Variants in PTPRR observed in about 807,000 individuals in gnomAD.
The protein encoded by PTPRR is receptor-type tyrosine-protein phosphatase R.
PTPRR carries 38 observed loss-of-function variants against 77.2 expected under a neutral mutation model. The observed-to-expected ratio is 0.49, with a 90% CI of 0.38 to 0.65. The LOEUF (loss-of-function observed/expected upper bound fraction) is 0.65. Among genes scored for constraint, PTPRR ranks in the 30% least tolerant of loss-of-function variants. PTPRR has a pLI of 0.00. For missense variants in PTPRR, 744 were observed against 799.2 expected (o/e 0.93, Z 0.83); for synonymous variants, 299 against 283.1 (o/e 1.06, Z -0.57).
chr12:70,703,037 T>C (rs1015648449), intron 6 of PTPRR, among the ~76,000 whole-genome samples: 2 of 143,992 alleles, frequency 1.4e-5, no homozygotes, highest in African/African-American at 5.4e-5. Flanking sequence ...CTTTCCTTCC[T>C]TTTTTTTTTT....
At chr12:70,791,887 T>C (rs1197892105) in intron 2 of PTPRR, among the ~76,000 whole-genome samples, 1 of 152,200 alleles carries the variant, frequency 6.6e-6, no homozygotes, top group African/African-American at 2.4e-5. Context: ...AAAATGATTG[T>C]GGTTGACAGT....
chr12:70,740,181 A>G (rs1439135550), intron 6 of PTPRR, among the ~76,000 whole-genome samples: 1 of 152,194 alleles, frequency 6.6e-6, no homozygotes, highest in Non-Finnish European at 1.5e-5. Context: ...CATATTACAT[A>G]TATTAGTCCT....
chr12:70,704,675 A>G (rs1380857569), intron 6 of PTPRR, among the ~76,000 whole-genome samples: 1 of 152,170 alleles, frequency 6.6e-6, no homozygotes, highest in Non-Finnish European at 1.5e-5. Flanking sequence ...AATAATAACC[A>G]TTTATATATT....
intron 6 of PTPRR, among the ~76,000 whole-genome samples, chr12:70,730,367 C>T (rs961909591): frequency 4.6e-5 from 7 of 152,008 alleles, no homozygotes; most frequent in Non-Finnish European, 8.8e-5. Flanking sequence ...AAAAATTAGC[C>T]GGGCATGGTG....
intron 2 of PTPRR, among the ~76,000 whole-genome samples, chr12:70,829,146 A>G (rs1328319554): frequency 6.6e-6 from 1 of 152,056 alleles, no homozygotes; most frequent in Admixed American, 6.6e-5. Flanking sequence ...TGTCTATTCC[A>G]TATCTCAGTG....
At chr12:70,722,602 C>T (rs1219080375) in intron 6 of PTPRR, among the ~76,000 whole-genome samples, 1 of 152,062 alleles carries the variant, frequency 6.6e-6, no homozygotes, top group Admixed American at 6.6e-5. Flanking sequence ...TATGAGTTAT[C>T]TTATTTGCCA....
intron 10 of PTPRR, chr12:70,672,838 G>T (rs773455647): frequency 6.4e-7 from 1 of 1,561,268 alleles, no homozygotes; most frequent in East Asian, 2.5e-5. Flanking sequence ...AGAACTAGGT[G>T]TCATCATCAG....
rs149359392 is a variant in PTPRR at position 70,731,196 on chromosome 12, T to G, written c.1007+14622A>C. On this transcript the variant is annotated intron_variant, in intron 6 of 13. Coordinates refer to ENST00000283228, the MANE Select transcript of PTPRR (RefSeq NM_002849.4). ...AAGTGAAATAAACAACTCTCTTCTATGAAACTGTGATGGAAAGTTAAACCA... is the reference window on the plus strand; with the variant it reads ...AAGTGAAATAAACAACTCTCTTCTAGGAAACTGTGATGGAAAGTTAAACCA... 2.2e-3 allele frequency among the ~76,000 whole-genome samples: 340 copies of G among 152,130 alleles called. 1 individual carries two copies. The highest frequency in any genetic ancestry group is 7.8e-3 in the African/African-American group (323 of 41,518).
At chr12:70,774,753 G>T (rs1891054225) in intron 2 of PTPRR, among the ~76,000 whole-genome samples, 1 of 152,082 alleles carries the variant, frequency 6.6e-6, no homozygotes, top group Non-Finnish European at 1.5e-5. Flanking sequence ...ATATATGAGT[G>T]CAATTTGAGA....
rs568317061 is a variant in PTPRR at position 70,690,430 on chromosome 12, G to A, written c.1280-5647C>T. Reference sequence around the variant, plus strand: ...TCAGGGTTTCTTAGAGTTGGAGTTCGCATGTCCAATAATTATCACGATCTA... The same window carrying A: ...TCAGGGTTTCTTAGAGTTGGAGTTCACATGTCCAATAATTATCACGATCTA... On this transcript the variant is annotated intron_variant, in intron 8 of 13. Coordinates refer to ENST00000283228, the MANE Select transcript of PTPRR (RefSeq NM_002849.4). Among the ~76,000 whole-genome samples the A allele has an allele frequency of 1.5e-3, 221 of 152,196 alleles. 1 individual carries two copies. Among genetic ancestry groups the A allele is most frequent in the Middle Eastern group, 6.8e-3 (2 of 294 alleles).
intron 2 of PTPRR, among the ~76,000 whole-genome samples, chr12:70,795,280 T>A (rs1396807170): frequency 6.6e-6 from 1 of 152,178 alleles, no homozygotes; most frequent in Non-Finnish European, 1.5e-5. Context: ...TTTCCTAAGG[T>A]GACATTCTTT....
At chr12:70,671,698 G>A (rs1026661440) in intron 10 of PTPRR, among the ~76,000 whole-genome samples, 1 of 152,218 alleles carries the variant, frequency 6.6e-6, no homozygotes, top group African/African-American at 2.4e-5. Flanking sequence ...GAAAGAACAA[G>A]ATACGCTTTA....
At chr12:70,711,731 A>T (rs547730623) in intron 6 of PTPRR, among the ~76,000 whole-genome samples, 30 of 152,130 alleles carry the variant, frequency 2.0e-4, no homozygotes, top group Non-Finnish European at 3.8e-4. Flanking sequence ...CATTTATGCC[A>T]AGGATTATGT....
chr12:70,739,573 A>G (rs1421507913), intron 6 of PTPRR, among the ~76,000 whole-genome samples: 1 of 152,218 alleles, frequency 6.6e-6, no homozygotes, highest in Non-Finnish European at 1.5e-5. Context: ...ACCACAGGAG[A>G]CACAGAGTAT....
In PTPRR at chr12:70,735,765, G is replaced by T. The variant is rs1038216289; in HGVS notation, c.1007+10053C>A. On this transcript the variant is annotated intron_variant, in intron 6 of 13. Coordinates refer to ENST00000283228, the MANE Select transcript of PTPRR (RefSeq NM_002849.4). ...TCTAAGTCTCTCTGTTAGCATAACT[G>T]CAAGATGGGCATAGAAATACTGCCT... Among the ~76,000 whole-genome samples, 4 of 152,156 alleles carry T rather than the reference G, an allele frequency of 2.6e-5. No homozygotes were observed. The South Asian group carries it at 8.3e-4, about 32-fold the overall frequency.
intron 2 of PTPRR, among the ~76,000 whole-genome samples, chr12:70,838,483 G>T (rs1399287691): frequency 1.3e-5 from 2 of 152,156 alleles, no homozygotes; most frequent in African/African-American, 4.8e-5. Flanking sequence ...GCATAAAGAT[G>T]ATTTGCATCA....
At chr12:70,814,132 G>T (rs912046842) in intron 2 of PTPRR, among the ~76,000 whole-genome samples, 1 of 152,152 alleles carries the variant, frequency 6.6e-6, no homozygotes, top group Non-Finnish European at 1.5e-5. Context: ...TATAGTCTAA[G>T]AGGCAAAAGC....
intron 6 of PTPRR, among the ~76,000 whole-genome samples, chr12:70,736,408 C>G (rs1303700541): frequency 1.3e-5 from 2 of 152,150 alleles, no homozygotes; most frequent in Non-Finnish European, 2.9e-5. Context: ...TGATTTCCCA[C>G]AGATTATAGG....
chr12:70,907,977 T>C (rs768115956), intron 1 of PTPRR, among the ~76,000 whole-genome samples: 1 of 152,196 alleles, frequency 6.6e-6, no homozygotes, highest in Non-Finnish European at 1.5e-5. Context: ...CACTGAATAA[T>C]GAAGTAGTAC....
Sources: allele counts gnomAD v4.1 joint callset (sites outside exome capture counted in the v4.1 genomes callset), GRCh38; gene constraint gnomAD v4.1.1; transcripts MANE v1.5; gene names NCBI Gene and HGNC (gene_info 2026-07-23, HGNC 2026-07-21).